Variants in SAXO1 observed in about 807,000 individuals in gnomAD.
The protein encoded by SAXO1 is stabilizer of axonemal microtubules 1, also known as 4930500O09Rik.
Under a neutral mutation model 17.5 loss-of-function variants are expected in SAXO1, and 21 were observed. That is an observed-to-expected ratio of 1.20 (90% confidence interval 0.85 to 1.72). SAXO1 has a LOEUF of 1.72. SAXO1 is among the 40% of genes most tolerant of loss of function. The probability of loss-of-function intolerance (pLI) is 0.00; values close to 1 mark genes in which losing one functional copy is unlikely to be tolerated. For synonymous variants in SAXO1, 274 were observed against 216.5 expected, an observed-to-expected ratio of 1.27 and a Z score of -2.33; for missense variants, 843 against 596.0, an observed-to-expected ratio of 1.41 and a Z score of -4.32.
intron 1 of SAXO1, among the ~76,000 whole-genome samples, chr9:18,977,768 T>C (rs927730238): frequency 6.6e-5 from 10 of 151,868 alleles, no homozygotes; most frequent in African/African-American, 1.9e-4. Flanking sequence ...GCCAAGGCAG[T>C]GGATCACTTG....
intron 1 of SAXO1, among the ~76,000 whole-genome samples, chr9:19,038,590 C>A (rs1459767481): frequency 2.5e-5 from 3 of 121,604 alleles, no homozygotes; most frequent in African/African-American, 9.9e-5. Flanking sequence ...GGGAACATCA[C>A]ACTCTGGGGA....
intron 1 of SAXO1, among the ~76,000 whole-genome samples, chr9:18,972,215 T>A (rs1408490344): frequency 6.6e-6 from 1 of 152,194 alleles, no homozygotes; most frequent in East Asian, 1.9e-4. Context: ...CCATTTTTTA[T>A]TTCTGGTAGA....
chr9:19,047,787 T>G (rs973359462), intron 1 of SAXO1, among the ~76,000 whole-genome samples: 1 of 152,242 alleles, frequency 6.6e-6, no homozygotes, highest in African/African-American at 2.4e-5. Flanking sequence ...TCTTGAAATT[T>G]TTACTCTCCT....
At chr9:19,015,028 G>T (rs778768699) in intron 1 of SAXO1, among the ~76,000 whole-genome samples, 1 of 152,140 alleles carries the variant, frequency 6.6e-6, no homozygotes, top group Non-Finnish European at 1.5e-5. Context: ...AAAAACGAGA[G>T]AGAGTACTTC....
chr9:18,967,685 T>C (rs146327564), intron 1 of SAXO1, among the ~76,000 whole-genome samples: 3,638 of 152,236 alleles, frequency 0.024, 69 homozygotes, highest in Admixed American at 0.065. Flanking sequence ...TTGGGCTCCA[T>C]TGGGGGAGGA....
intron 1 of SAXO1, chr9:19,027,149 T>G (rs2131036947): frequency 1.8e-6 from 2 of 1,114,858 alleles, no homozygotes; most frequent in East Asian, 4.8e-5. Flanking sequence ...TTGATCCCAA[T>G]GATCAAGAGG....
At chr9:18,955,470 G>A (rs1000204275) in intron 1 of SAXO1, among the ~76,000 whole-genome samples, 2 of 152,094 alleles carry the variant, frequency 1.3e-5, no homozygotes, top group African/African-American at 2.4e-5. Flanking sequence ...TCTAAAATTC[G>A]AAGGTACAGA....
intron 2 of SAXO1, among the ~76,000 whole-genome samples, chr9:18,947,236 A>G (rs913960240): frequency 2.6e-5 from 4 of 152,144 alleles, no homozygotes; most frequent in Non-Finnish European, 2.9e-5. Context: ...CAAAAAATAT[A>G]TATATAAAAT....
intron 3 of SAXO1, among the ~76,000 whole-genome samples, chr9:18,934,378 T>C (rs2131678690): frequency 6.6e-6 from 1 of 152,328 alleles, no homozygotes; most frequent in East Asian, 1.9e-4. Flanking sequence ...TTTCTGTTCT[T>C]CAGATTGGGA....
At chr9:19,043,653 G>C (rs138613002) in intron 1 of SAXO1, among the ~76,000 whole-genome samples, 38 of 152,104 alleles carry the variant, frequency 2.5e-4, no homozygotes, top group African/African-American at 9.2e-4. Context: ...TGTAGTCCCA[G>C]CTACTCGGGG....
chr9:19,044,537 AAAC>A (rs1014812841), intron 1 of SAXO1, among the ~76,000 whole-genome samples: 13 of 152,302 alleles, frequency 8.5e-5, no homozygotes, highest in African/African-American at 3.1e-4. Flanking sequence ...GGGAATGCAC[AAAC>A]AAGAATGGTA....
intron 3 of SAXO1, among the ~76,000 whole-genome samples, chr9:18,930,282 T>C (rs900791827): frequency 6.6e-6 from 1 of 152,182 alleles, no homozygotes; most frequent in African/African-American, 2.4e-5. Flanking sequence ...GGGGCTGGAA[T>C]GGCCAACATA....
At position 18,929,025 on chromosome 9, in the gene SAXO1, C is replaced by T. The variant is rs1230603926; in HGVS notation, c.452G>A (p.Arg151Gln). The change falls in exon 4 of 4, where the codon CGA (arginine) becomes CAA (glutamine). Residue 151 changes from arginine (R) to glutamine (Q), a missense_variant. Physicochemically the swap from Arg to Gln is conservative, Grantham distance 43 (BLOSUM62 1). Transcript: ENST00000380534. ...TTTGTGTTCCAGACGAAGTGGCTCT[C>T]GCCTTGGTTGGTTCCAAGGCAAATA... ...ADYLPWNQPR[R>Q]EPLRLEHKYQ... is the part of the protein sequence containing the mutation. The T allele has an allele frequency of 2.5e-6, 4 of 1,614,110 alleles. No homozygotes were observed. The highest frequency in any genetic ancestry group is 2.5e-6 in the Non-Finnish European group (3 of 1,180,022).
chr9:18,957,770 G>C (rs73427297), intron 1 of SAXO1, among the ~76,000 whole-genome samples: 1 of 152,136 alleles, frequency 6.6e-6, no homozygotes, highest in Non-Finnish European at 1.5e-5. Context: ...CTCTGGAATG[G>C]TGTTTTGTCT....
chr9:18,936,712 G>C (rs978342488), intron 3 of SAXO1, among the ~76,000 whole-genome samples: 4 of 152,102 alleles, frequency 2.6e-5, no homozygotes, highest in Non-Finnish European at 5.9e-5. Context: ...TGGGTAATTG[G>C]CAAGAACTTC....
upstream of SAXO1, among the ~76,000 whole-genome samples, chr9:19,036,178 A>C (rs953889956): frequency 1.3e-5 from 2 of 151,672 alleles, no homozygotes; most frequent in Non-Finnish European, 1.5e-5. Context: ...TGGGTGCAGC[A>C]AACGACCATG....
chr9:19,033,186 C>T lies in SAXO1; in HGVS notation c.-278G>A, dbSNP rs1021450325. 1 of 379,106 alleles carries T rather than the reference C, an allele frequency of 2.6e-6. No individual in the cohort carries two copies. Among genetic ancestry groups the T allele is most frequent in the South Asian group, 9.6e-5 (1 of 10,368 alleles). The allele number at this position is 379,106 out of a possible 1,614,324, so 23.5% of individuals were successfully genotyped here. A position where few individuals can be genotyped will look rare whatever the true frequency, so the allele number is the denominator to read the frequency against. ...ACCGCCCCGGCCTCCGCAGTCCAGACTTAAGCACCTGGAGCGGCTGACTGG... is the reference window on the plus strand; with the variant it reads ...ACCGCCCCGGCCTCCGCAGTCCAGATTTAAGCACCTGGAGCGGCTGACTGG... On this transcript the variant is annotated 5_prime_UTR_variant, in exon 1 of 4. Coordinates refer to ENST00000380534, the MANE Select transcript of SAXO1 (RefSeq NM_153707.4).
intron 1 of SAXO1, among the ~76,000 whole-genome samples, chr9:19,026,233 C>A (rs919668561): frequency 6.6e-6 from 1 of 152,076 alleles, no homozygotes; most frequent in Non-Finnish European, 1.5e-5. Flanking sequence ...TATGTACAAT[C>A]ATTATGTATC....
intron 1 of SAXO1, among the ~76,000 whole-genome samples, chr9:18,994,057 T>C (rs139206802): frequency 3.4e-4 from 52 of 152,298 alleles, no homozygotes; most frequent in African/African-American, 1.1e-3. Context: ...ATGAAAAAAT[T>C]AGAGAATCCT....
Sources: gnomAD v4.1 joint callset for allele counts (sites outside exome capture counted in the v4.1 genomes callset) on GRCh38, gnomAD v4.1.1 for gene constraint, MANE v1.5 for transcripts, NCBI Gene and HGNC (gene_info 2026-07-23, HGNC 2026-07-21) for gene names.